The following DYRK1A variants were observed in gnomAD, a reference collection of about 807,000 sequenced individuals.
DYRK1A encodes dual specificity tyrosine phosphorylation regulated kinase 1A.
Under a neutral mutation model 79.7 loss-of-function variants are expected in DYRK1A, and 9 were observed. That is an observed-to-expected ratio of 0.11 (90% CI 0.07 to 0.20). The LOEUF is 0.20. Among genes scored for constraint, DYRK1A ranks in the 10% least tolerant of loss-of-function variants. The pLI, the probability that DYRK1A is intolerant of heterozygous loss-of-function variation, is 1.00. For synonymous variants in DYRK1A, 349 were observed against 329.7 expected (o/e 1.06, Z -0.63); for missense variants, 622 against 956.0 (o/e 0.65, Z 4.61).
At chr21:37,421,680 A>G (rs2050480674) in intron 2 of DYRK1A, 1 of 152,150 alleles carries the variant, frequency 6.6e-6, no homozygotes, top group Non-Finnish European at 1.5e-5. Context: ...TCACCATCAT[A>G]GAAAAACAAA....
rs16995060 is a variant in DYRK1A at position 37,400,620 on chromosome 21, G to A, written c.-76-19679G>A. ...GTTTTTTATAACAATGGTTTTGAGCGACTTTTCTCTAAATAATGGAAGTTA... is the reference window on the plus strand; with the variant it reads ...GTTTTTTATAACAATGGTTTTGAGCAACTTTTCTCTAAATAATGGAAGTTA... On this transcript the variant is annotated intron_variant, in intron 1 of 11. Transcript: ENST00000647188. Among the ~76,000 whole-genome samples the A allele has an allele frequency of 7.0e-3, 1,071 of 152,232 alleles. 12 individuals carry two copies. Among genetic ancestry groups the A allele is most frequent in the African/African-American group, 0.025 (1,028 of 41,528 alleles).
chr21:37,450,375 A>G (rs185241868), intron 2 of DYRK1A, among the ~76,000 whole-genome samples: 89 of 152,308 alleles, frequency 5.8e-4, no homozygotes, highest in Admixed American at 7.2e-4. Flanking sequence ...AAGTTGTGGT[A>G]TAAGATGGGA....
At chr21:37,488,749 T>C (rs2052967296) in intron 6 of DYRK1A, 1 of 985,282 alleles carries the variant, frequency 1.0e-6, no homozygotes, top group South Asian at 4.7e-5. Flanking sequence ...ACAGAGCTTC[T>C]TAAAGGAATT....
chr21:37,444,907 GGTAGGTGCTACACCGAACATATTT>G (rs1292442604), intron 2 of DYRK1A, among the ~76,000 whole-genome samples: 5 of 152,112 alleles, frequency 3.3e-5, no homozygotes, highest in South Asian at 2.1e-4. Flanking sequence ...GATTTTTCTG[GGTAGGTGCTACACCGAACATATTT>G]GTAGGAAGAG....
At chr21:37,401,482 CTTTT>C (rs60091331) in intron 1 of DYRK1A, among the ~76,000 whole-genome samples, 1 of 137,498 alleles carries the variant, frequency 7.3e-6, no homozygotes, top group Admixed American at 7.3e-5. Context: ...TTTCTAGTTC[CTTTT>C]TTTTTTTTTT....
intron 1 of DYRK1A, among the ~76,000 whole-genome samples, chr21:37,368,561 C>T (rs547638837): frequency 7.9e-5 from 12 of 152,244 alleles, no homozygotes; most frequent in African/African-American, 2.2e-4. Flanking sequence ...TCTTGAATTC[C>T]GCCCAAATTG....
At chr21:37,464,275 G>A (rs1264357859) in intron 2 of DYRK1A, 2 of 497,278 alleles carry the variant, frequency 4.0e-6, no homozygotes, top group African/African-American at 2.0e-5. Context: ...TAGAATCAGT[G>A]CTGATCCATA....
chr21:37,467,469 G>T (rs1000100833), intron 2 of DYRK1A, among the ~76,000 whole-genome samples: 1 of 152,208 alleles, frequency 6.6e-6, no homozygotes, highest in South Asian at 2.1e-4. Flanking sequence ...GGGCTCAAGT[G>T]ATTTTCCCAC....
rs141727758 is a variant in DYRK1A, at chr21:37,417,276, C to T, written c.-76-3023C>T. On this transcript the variant is annotated intron_variant, in intron 1 of 11. Coordinates refer to ENST00000647188, the MANE Select transcript of DYRK1A (RefSeq NM_001347721.2). ...CATGATCTCGGTTCACTGCAGCCTC[C>T]GCCTCCTGATTTCAAGCAATTCTTC... is the stretch of plus-strand genomic sequence containing the variant. Among the ~76,000 whole-genome samples the T allele has an allele frequency of 2.7e-3, 410 of 151,948 alleles. 6 individuals are homozygous for T. The East Asian group carries it at 0.03, about 11-fold the overall frequency.
chr21:37,439,856 A>G (rs1211456689), intron 2 of DYRK1A, among the ~76,000 whole-genome samples: 1 of 152,044 alleles, frequency 6.6e-6, no homozygotes, highest in Non-Finnish European at 1.5e-5. Context: ...CGAGATTACC[A>G]CATGGTTTTT....
intron 1 of DYRK1A, among the ~76,000 whole-genome samples, chr21:37,386,900 T>C (rs765627851): frequency 6.6e-6 from 1 of 152,208 alleles, no homozygotes; most frequent in Non-Finnish European, 1.5e-5. Context: ...TGGATAAGAA[T>C]GTGGTACCTT....
At chr21:37,450,111 C>T (rs1257719470) in intron 2 of DYRK1A, among the ~76,000 whole-genome samples, 1 of 152,190 alleles carries the variant, frequency 6.6e-6, no homozygotes, top group Non-Finnish European at 1.5e-5. Flanking sequence ...CTCTTACTGT[C>T]CCTACATCTT....
intron 1 of DYRK1A, among the ~76,000 whole-genome samples, chr21:37,389,553 G>A (rs996450682): frequency 1.3e-5 from 2 of 152,200 alleles, no homozygotes; most frequent in African/African-American, 4.8e-5. Flanking sequence ...TTCCATCATA[G>A]CGTTGTCTCA....
chr21:37,452,317 A>G (rs1423295249), intron 2 of DYRK1A, among the ~76,000 whole-genome samples: 1 of 145,574 alleles, frequency 6.9e-6, no homozygotes, highest in Non-Finnish European at 1.5e-5. Flanking sequence ...GACATTCCAG[A>G]GGCCAAAGTC....
intron 5 of DYRK1A, among the ~76,000 whole-genome samples, chr21:37,482,903 CG>C (rs1569366630): frequency 6.6e-6 from 1 of 152,168 alleles, no homozygotes. Flanking sequence ...CTGTTCCGCC[CG>C]GGTCAGTGGT....
chr21:37,442,558 T>C (rs1420874039), intron 2 of DYRK1A, among the ~76,000 whole-genome samples: 1 of 152,276 alleles, frequency 6.6e-6, no homozygotes, highest in Non-Finnish European at 1.5e-5. Flanking sequence ...CATTGTAGTT[T>C]TTATTTCCAT....
intron 3 of DYRK1A, among the ~76,000 whole-genome samples, chr21:37,474,870 C>T (rs1451207109): frequency 6.6e-6 from 1 of 151,978 alleles, no homozygotes; most frequent in African/African-American, 2.4e-5. Flanking sequence ...ATTCTAGTAC[C>T]CTGGATATGT....
chr21:37,510,929 A>G (rs1245699456), intron 11 of DYRK1A, among the ~76,000 whole-genome samples: 2 of 152,184 alleles, frequency 1.3e-5, no homozygotes, highest in African/African-American at 2.4e-5. Flanking sequence ...ATTGTGCACA[A>G]CCAGTAGCTT....
intron 1 of DYRK1A, among the ~76,000 whole-genome samples, chr21:37,370,322 T>G (rs930293031): frequency 6.6e-6 from 1 of 152,108 alleles, no homozygotes; most frequent in African/African-American, 2.4e-5. Flanking sequence ...GCTTGGAAAT[T>G]TAGGCTGCCC....
Sources: gnomAD v4.1 joint callset for allele counts (sites outside exome capture counted in the v4.1 genomes callset) on GRCh38, gnomAD v4.1.1 for gene constraint, MANE v1.5 for transcripts, NCBI Gene and HGNC (gene_info 2026-07-23, HGNC 2026-07-21) for gene names.